Variants in SBF2 observed in about 807,000 individuals in gnomAD.
The protein encoded by SBF2 is SET binding factor 2, also known as myotubularin-related protein 13.
SBF2 carries 112 observed loss-of-function variants against 225.2 expected under a neutral mutation model. That is an observed-to-expected ratio of 0.50 (90% CI 0.43 to 0.58). The LOEUF is 0.58. SBF2 is among the 20% of genes least tolerant of loss of function. The pLI is 0.00. For missense variants in SBF2, 1,996 were observed against 2,206.2 expected (o/e 0.90, Z 1.91); for synonymous variants, 763 against 773.3 (o/e 0.99, Z 0.22).
At chr11:10,206,531 G>C (rs1957757000) in intron 1 of SBF2, among the ~76,000 whole-genome samples, 1 of 151,820 alleles carries the variant, frequency 6.6e-6, no homozygotes, top group African/African-American at 2.4e-5. Context: ...TGCCAACACA[G>C]ACATGAATCA....
chr11:9,863,901 C>T (rs1361511016), intron 17 of SBF2, among the ~76,000 whole-genome samples: 1 of 151,986 alleles, frequency 6.6e-6, no homozygotes, highest in Non-Finnish European at 1.5e-5. Context: ...CTGTGTATGT[C>T]CATAAAGAAT....
intron 2 of SBF2, among the ~76,000 whole-genome samples, chr11:10,098,569 TGACA>T (rs1952134704): frequency 1.3e-5 from 2 of 150,574 alleles, no homozygotes; most frequent in African/African-American, 4.9e-5. Flanking sequence ...ATGAATTGCC[TGACA>T]AAGAACTCAT....
At chr11:9,834,796 G>A (rs1454798577) in intron 26 of SBF2, among the ~76,000 whole-genome samples, 1 of 152,136 alleles carries the variant, frequency 6.6e-6, no homozygotes, top group Non-Finnish European at 1.5e-5. Context: ...ATTAGACAGG[G>A]AAATAATGTT....
intron 27 of SBF2, 73 bp downstream of exon 27, chr11:9,832,151 G>C: frequency 1.4e-6 from 2 of 1,387,332 alleles, no homozygotes; most frequent in Non-Finnish European, 2.0e-6. Context: ...ACCATTCCCA[G>C]ATTTTACTTC....
intron 16 of SBF2, among the ~76,000 whole-genome samples, chr11:9,942,799 G>C (rs11042563): frequency 0.51 from 76,258 of 150,346 alleles, 19,764 homozygotes; most frequent in Admixed American, 0.6. Flanking sequence ...TCACTGCACT[G>C]AAGCCTGGGC....
intron 2 of SBF2, among the ~76,000 whole-genome samples, chr11:10,090,956 T>C (rs1297374107): frequency 6.6e-6 from 1 of 152,030 alleles, no homozygotes; most frequent in East Asian, 1.9e-4. Flanking sequence ...ACTTATAATA[T>C]TGCAATTCTC....
chr11:10,195,843 G>A (rs1957337991), intron 1 of SBF2, among the ~76,000 whole-genome samples: 1 of 152,168 alleles, frequency 6.6e-6, no homozygotes, highest in South Asian at 2.1e-4. Context: ...TCTTGTTATA[G>A]GGGAATGAAG....
intron 28 of SBF2, among the ~76,000 whole-genome samples, chr11:9,822,760 A>G (rs1854845945): frequency 6.6e-6 from 1 of 152,170 alleles, no homozygotes; most frequent in African/African-American, 2.4e-5. Context: ...GGGAGAGGGA[A>G]AAGAGATGCT....
intron 6 of SBF2, among the ~76,000 whole-genome samples, chr11:10,025,940 T>C (rs1003608773): frequency 6.6e-6 from 1 of 152,238 alleles, no homozygotes; most frequent in Middle Eastern, 3.4e-3. Flanking sequence ...TTTCAAGTTG[T>C]CATTGTTAAG....
chr11:10,073,859 G>A (rs1950990158), intron 2 of SBF2, among the ~76,000 whole-genome samples: 1 of 152,120 alleles, frequency 6.6e-6, no homozygotes. Flanking sequence ...ACTACAAGTG[G>A]GGAAATATAA....
At chr11:9,988,361 T>A (rs575809515) in intron 13 of SBF2, among the ~76,000 whole-genome samples, 2 of 152,284 alleles carry the variant, frequency 1.3e-5, no homozygotes, top group African/African-American at 4.8e-5. Context: ...AAGGATTTCA[T>A]GACCAAGAAC....
intron 17 of SBF2, among the ~76,000 whole-genome samples, chr11:9,880,226 G>A (rs145468312): frequency 8.0e-4 from 122 of 152,146 alleles, no homozygotes; most frequent in African/African-American, 2.8e-3. Flanking sequence ...AAAGCTGGAG[G>A]TTGTGAAGCT....
chr11:9,799,524 C>A (rs1195634691), intron 32 of SBF2, among the ~76,000 whole-genome samples: 1 of 152,166 alleles, frequency 6.6e-6, no homozygotes, highest in Admixed American at 6.5e-5. Flanking sequence ...GTTTTTTACT[C>A]TTCAGCAATA....
chr11:10,112,446 T>C (rs1952921545), intron 2 of SBF2, among the ~76,000 whole-genome samples: 1 of 152,224 alleles, frequency 6.6e-6, no homozygotes, highest in Non-Finnish European at 1.5e-5. Flanking sequence ...ATGTAAGATA[T>C]GACTTGCTCC....
At chr11:9,850,968 T>C (rs555426975) in intron 21 of SBF2, among the ~76,000 whole-genome samples, 79 of 151,768 alleles carry the variant, frequency 5.2e-4, no homozygotes, top group Non-Finnish European at 9.1e-4. Flanking sequence ...AAACCCTGCC[T>C]CTACTAAAAA....
At chr11:10,246,902 T>G (rs957502052) in intron 1 of SBF2, among the ~76,000 whole-genome samples, 1 of 152,008 alleles carries the variant, frequency 6.6e-6, no homozygotes, top group Non-Finnish European at 1.5e-5. Flanking sequence ...TAGTGAGACC[T>G]TGTCTCTACA....
At chr11:9,830,745 C>CAA (rs553674434) in intron 27 of SBF2, among the ~76,000 whole-genome samples, 79 of 111,124 alleles carry the variant, frequency 7.1e-4, no homozygotes, top group East Asian at 1.8e-3. Flanking sequence ...AGCTCAAAAA[C>CAA]AAAAAAAAAA....
chr11:10,006,229 C>T (rs909569296), intron 6 of SBF2, among the ~76,000 whole-genome samples: 11 of 152,210 alleles, frequency 7.2e-5, no homozygotes, highest in Non-Finnish European at 1.5e-4. Context: ...TATTTGTACA[C>T]CCTCAGCTCT....
intron 2 of SBF2, among the ~76,000 whole-genome samples, chr11:10,175,897 G>C (rs372197883): frequency 1.3e-5 from 2 of 151,388 alleles, no homozygotes; most frequent in Admixed American, 6.6e-5. Context: ...CTGAACAACC[G>C]GCTCCTGAAT....
Sources: allele counts gnomAD v4.1 joint callset (sites outside exome capture counted in the v4.1 genomes callset), GRCh38; gene constraint gnomAD v4.1.1; transcripts MANE v1.5; gene names NCBI Gene and HGNC (gene_info 2026-07-23, HGNC 2026-07-21).